Variants in SLC24A2 observed in about 807,000 individuals in gnomAD.
SLC24A2 encodes sodium/potassium/calcium exchanger 2.
SLC24A2 carries 36 observed loss-of-function variants against 62.0 expected under a neutral mutation model. The ratio of observed to expected loss-of-function variants is 0.58; its 90% CI spans 0.44 to 0.77. The LOEUF (loss-of-function observed/expected upper bound fraction) is 0.77, where lower values mean the gene tolerates loss of function less well. Among genes scored for constraint, SLC24A2 ranks in the 30% least tolerant of loss-of-function variants. The pLI is 0.00. For missense variants in SLC24A2, 846 were observed against 817.9 expected, an observed-to-expected ratio of 1.03 and a Z score of -0.42; for synonymous variants, 358 against 294.0, an observed-to-expected ratio of 1.22 and a Z score of -2.23.
At chr9:20,248,228 G>A in the SLC24A2 span, among the ~76,000 whole-genome samples, 4 of 152,168 alleles carry the variant, frequency 2.6e-5, no homozygotes, top group Admixed American at 6.5e-5. Context: ...ACCCGTATGG[G>A]AGCTCCCACC....
At chr9:19,654,192 T>C (rs747727401) in intron 2 of SLC24A2, among the ~76,000 whole-genome samples, 7 of 152,186 alleles carry the variant, frequency 4.6e-5, no homozygotes, top group Non-Finnish European at 1.0e-4. Flanking sequence ...AGTGGAATCA[T>C]ATAGAATGTA....
the SLC24A2 span, among the ~76,000 whole-genome samples, chr9:19,942,775 G>T: frequency 3.5e-4 from 53 of 152,302 alleles, no homozygotes; most frequent in African/African-American, 1.3e-3. Context: ...GAAGAATTTA[G>T]TGTAAGAGAA....
At chr9:20,059,927 G>C in the SLC24A2 span, among the ~76,000 whole-genome samples, 8 of 151,996 alleles carry the variant, frequency 5.3e-5, no homozygotes, top group Non-Finnish European at 1.0e-4. Flanking sequence ...AAGAAAAAAG[G>C]GAGAGAAGAT....
the SLC24A2 span, among the ~76,000 whole-genome samples, chr9:20,148,989 G>A: frequency 2.6e-5 from 4 of 152,004 alleles, no homozygotes; most frequent in South Asian, 6.2e-4. Flanking sequence ...AAACTCGGGG[G>A]GTTTTCTTCA....
the SLC24A2 span, among the ~76,000 whole-genome samples, chr9:20,185,674 A>G: frequency 6.6e-6 from 1 of 151,630 alleles, no homozygotes. Context: ...CAAAAAAAAA[A>G]AAAAAAGAAA....
chr9:19,952,688 G>A, the SLC24A2 span, among the ~76,000 whole-genome samples: 1 of 142,104 alleles, frequency 7.0e-6, no homozygotes, highest in African/African-American at 2.6e-5. Context: ...CAGTGTTCAT[G>A]AGGTGCAATC....
At chr9:19,638,885 AG>A (rs1818422923) in intron 2 of SLC24A2, among the ~76,000 whole-genome samples, 1 of 152,278 alleles carries the variant, frequency 6.6e-6, no homozygotes. Flanking sequence ...TGGAGCAATT[AG>A]CTATCTAAAC....
chr9:20,235,471 G>C, the SLC24A2 span, among the ~76,000 whole-genome samples: 3 of 152,208 alleles, frequency 2.0e-5, no homozygotes, highest in Admixed American at 6.5e-5. Flanking sequence ...CTTGCAGTTT[G>C]ATCTCGGATT....
the SLC24A2 span, among the ~76,000 whole-genome samples, chr9:20,253,958 G>T: frequency 1.3e-5 from 2 of 152,106 alleles, no homozygotes; most frequent in African/African-American, 4.8e-5. Context: ...GACCAATGAG[G>T]GAGAATGGTG....
the SLC24A2 span, among the ~76,000 whole-genome samples, chr9:19,913,592 G>A: frequency 6.6e-6 from 1 of 152,154 alleles, no homozygotes; most frequent in African/African-American, 2.4e-5. Context: ...GAAAGATAGA[G>A]ATGGAGTAGG....
chr9:20,165,099 C>A, the SLC24A2 span, among the ~76,000 whole-genome samples: 1 of 151,454 alleles, frequency 6.6e-6, no homozygotes, highest in Non-Finnish European at 1.5e-5. Flanking sequence ...CTAACCTGCA[C>A]ATTGTGCACA....
chr9:19,610,619 T>C (rs1837129594), intron 4 of SLC24A2, among the ~76,000 whole-genome samples: 1 of 152,172 alleles, frequency 6.6e-6, no homozygotes, highest in South Asian at 2.1e-4. Flanking sequence ...GAGAGATATA[T>C]TCCATTATGC....
chr9:19,803,435 TC>T, the SLC24A2 span, among the ~76,000 whole-genome samples: 2 of 152,148 alleles, frequency 1.3e-5, no homozygotes, highest in African/African-American at 4.8e-5. Context: ...AAAATTGATT[TC>T]AATGAAATAT....
chr9:19,791,201 G>A (rs1308417264), upstream of SLC24A2, among the ~76,000 whole-genome samples: 2 of 152,288 alleles, frequency 1.3e-5, no homozygotes, highest in African/African-American at 2.4e-5. Flanking sequence ...TATCCTCATG[G>A]CTACAAAATG....
chr9:20,225,009 A>G, the SLC24A2 span, among the ~76,000 whole-genome samples: 3 of 152,192 alleles, frequency 2.0e-5, no homozygotes, highest in African/African-American at 7.2e-5. Context: ...TTCCTGAGGG[A>G]TCAAGCTGAG....
At chr9:19,975,490 C>T in the SLC24A2 span, among the ~76,000 whole-genome samples, 6 of 152,108 alleles carry the variant, frequency 3.9e-5, no homozygotes, top group Non-Finnish European at 7.4e-5. Flanking sequence ...GGCTACATTG[C>T]CTCTTAGTTT....
rs1818341716 is a variant in SLC24A2, at chr9:19,636,339, CTTT to C, written c.931-14043_931-14041del. Among the ~76,000 whole-genome samples, 6 of 31,368 alleles carry C rather than the reference CTTT, an allele frequency of 1.9e-4. 1 individual carries two copies. Among genetic ancestry groups the C allele is most frequent in the African/African-American group, 9.7e-4 (6 of 6,154 alleles). The allele number at this position is 31,368 out of a possible 152,430, so 20.6% of individuals were successfully genotyped here. ...CTTTTCTTTCTTTCTTTCTTTCTTT[CTTT>C]CTTTCTTTCTTTCTTTCTTTCTTTC... On this transcript the variant is annotated intron_variant, in intron 2 of 10. Coordinates refer to ENST00000341998, the MANE Select transcript of SLC24A2 (RefSeq NM_020344.4).
chr9:20,059,624 A>G, the SLC24A2 span, among the ~76,000 whole-genome samples: 1 of 152,146 alleles, frequency 6.6e-6, no homozygotes, highest in Admixed American at 6.6e-5. Flanking sequence ...TAGCATACCA[A>G]AACTTAGGAG....
At chr9:19,996,426 T>G in the SLC24A2 span, among the ~76,000 whole-genome samples, 612 of 152,188 alleles carry the variant, frequency 4.0e-3, 10 homozygotes, top group African/African-American at 0.014. Context: ...TACATCACAT[T>G]CATCACTCTT....
Sources: gnomAD v4.1 joint callset for allele counts (sites outside exome capture counted in the v4.1 genomes callset) on GRCh38, gnomAD v4.1.1 for gene constraint, MANE v1.5 for transcripts, NCBI Gene and HGNC (gene_info 2026-07-23, HGNC 2026-07-21) for gene names.